Variants in CTNNA2 observed in about 807,000 individuals in gnomAD.
CTNNA2 encodes catenin alpha 2, also known as catenin alpha-2.
In CTNNA2, 42 loss-of-function variants were observed where a neutral mutation model predicts 101.0. The ratio of observed to expected loss-of-function variants is 0.42; its 90% CI spans 0.32 to 0.54. The LOEUF is 0.54. Ranked by LOEUF, CTNNA2 falls within the 20% of genes least tolerant of loss-of-function variation. CTNNA2 has a pLI of 0.14. For synonymous variants in CTNNA2, 450 were observed against 456.4 expected (o/e 0.99, Z 0.18); for missense variants, 871 against 1,223.1 (o/e 0.71, Z 4.29).
In CTNNA2 at chr2:80,545,010, A is replaced by C; in HGVS notation, c.1319A>C (p.Asn440Thr). ...GCCAATTTGGCCTGTTCCATCTCCA[A>C]CAATGAAGAAGGGGTGAAATTAGTT... Reference protein sequence around the residue: ...EVANLACSISNNEEGVKLVRM... With the variant: ...EVANLACSISTNEEGVKLVRM... The change falls in exon 10 of 19, where the codon AAC (asparagine) becomes ACC (threonine). Residue 440 changes from asparagine (N) to threonine (T), a missense_variant. By Grantham distance (65) the Asn-to-Thr change is moderately conservative (BLOSUM62 0). Transcript: ENST00000402739. 1 of 1,614,004 alleles carries C rather than the reference A, an allele frequency of 6.2e-7. No individual in the cohort carries two copies. Among genetic ancestry groups the C allele is most frequent in the Non-Finnish European group, 8.5e-7 (1 of 1,179,950 alleles).
chr2:79,532,142 T>G (rs1023664081), intron 1 of CTNNA2, among the ~76,000 whole-genome samples: 4 of 152,184 alleles, frequency 2.6e-5, no homozygotes, highest in Non-Finnish European at 4.4e-5. Flanking sequence ...GATGCTGAAC[T>G]GACCAATTTC....
At chr2:79,618,722 C>T (rs1458548758) in intron 1 of CTNNA2, among the ~76,000 whole-genome samples, 3 of 152,188 alleles carry the variant, frequency 2.0e-5, no homozygotes, top group Admixed American at 6.5e-5. Context: ...TCTATATTCA[C>T]TTCGTAATTC....
At chr2:80,122,407 T>C (rs1238779919) in intron 7 of CTNNA2, among the ~76,000 whole-genome samples, 1 of 151,698 alleles carries the variant, frequency 6.6e-6, no homozygotes, top group African/African-American at 2.4e-5. Context: ...TCTCTTTCTC[T>C]CTTTGCCCAA....
chr2:80,428,673 C>T (rs1422125583), intron 9 of CTNNA2, among the ~76,000 whole-genome samples: 1 of 152,132 alleles, frequency 6.6e-6, no homozygotes, highest in African/African-American at 2.4e-5. Flanking sequence ...CACAAATGTC[C>T]TGGGTTTAAA....
intron 7 of CTNNA2, among the ~76,000 whole-genome samples, chr2:80,300,006 T>A (rs1039161805): frequency 3.9e-5 from 6 of 152,148 alleles, no homozygotes; most frequent in Admixed American, 3.9e-4. Context: ...AGGAGGTCGC[T>A]TTAGTAGGGT....
intron 7 of CTNNA2, among the ~76,000 whole-genome samples, chr2:79,931,623 G>A (rs1687447412): frequency 1.3e-5 from 2 of 152,064 alleles, no homozygotes; most frequent in Admixed American, 1.3e-4. Flanking sequence ...CTCAACAATG[G>A]CACAGAATTT....
At chr2:80,002,355 C>T (rs1278769729) in intron 7 of CTNNA2, among the ~76,000 whole-genome samples, 1 of 152,136 alleles carries the variant, frequency 6.6e-6, no homozygotes, top group Non-Finnish European at 1.5e-5. Flanking sequence ...AAAGCCATGT[C>T]CTCAGGCAAG....
At chr2:80,125,574 C>A (rs1357983382) in intron 7 of CTNNA2, among the ~76,000 whole-genome samples, 1 of 152,188 alleles carries the variant, frequency 6.6e-6, no homozygotes, top group East Asian at 1.9e-4. Flanking sequence ...GTGCATAGAG[C>A]AGATGTCACT....
chr2:80,066,773 G>T (rs540306460), intron 7 of CTNNA2, among the ~76,000 whole-genome samples: 17 of 152,290 alleles, frequency 1.1e-4, no homozygotes, highest in African/African-American at 4.1e-4. Flanking sequence ...ATGTTGAAAA[G>T]ATATATGCAC....
intron 3 of CTNNA2, among the ~76,000 whole-genome samples, chr2:79,815,134 C>T (rs138288040): frequency 5.1e-4 from 78 of 152,006 alleles, no homozygotes; most frequent in African/African-American, 1.8e-3. Flanking sequence ...TTTATTCTTA[C>T]TGAGTTGTTT....
In CTNNA2 at chr2:80,619,215, G is replaced by A; in HGVS notation, c.2561G>A (p.Ser854Asn). Residue 854 changes from serine (S) to asparagine (N), a missense_variant, in exon 18 of 19, where the codon AGT (serine) becomes AAT (asparagine). Transcript: ENST00000402739. ...GGAGCTCCGATCGGGAGTGGAAGCA[G>A]TGATTCCTCCATGGTGAGTAAATTG... ...AEGAPIGSGS[S>N]DSSMLDSATS... The A allele has an allele frequency of 1.3e-6, 2 of 1,575,616 alleles. No homozygotes were observed. Among genetic ancestry groups the A allele is most frequent in the South Asian group, 2.4e-5 (2 of 84,636 alleles).
intron 4 of CTNNA2, among the ~76,000 whole-genome samples, chr2:79,470,087 ATTGTCC>A (rs1300220093): frequency 6.6e-6 from 1 of 152,236 alleles, no homozygotes; most frequent in African/African-American, 2.4e-5. Context: ...AGGAAGTCAA[ATTGTCC>A]CTGTTTGCAG....
chr2:80,045,169 C>A (rs1264570075), intron 7 of CTNNA2, among the ~76,000 whole-genome samples: 1 of 152,126 alleles, frequency 6.6e-6, no homozygotes, highest in Non-Finnish European at 1.5e-5. Context: ...CCTTTTATGA[C>A]CTAGCCTTGG....
chr2:79,764,437 C>A (rs1437499555), intron 3 of CTNNA2, among the ~76,000 whole-genome samples: 1 of 152,078 alleles, frequency 6.6e-6, no homozygotes, highest in African/African-American at 2.4e-5. Flanking sequence ...GAAAGAATTA[C>A]AACATGTGCA....
chr2:79,473,158 T>C (rs1671017319), intron 4 of CTNNA2, among the ~76,000 whole-genome samples: 1 of 152,308 alleles, frequency 6.6e-6, no homozygotes, highest in African/African-American at 2.4e-5. Context: ...CTTTTCTTCC[T>C]GAGTCCTCAC....
chr2:80,097,948 C>T (rs554934360), intron 7 of CTNNA2, among the ~76,000 whole-genome samples: 12 of 152,154 alleles, frequency 7.9e-5, no homozygotes, highest in African/African-American at 2.4e-4. Flanking sequence ...GCCATTGGTT[C>T]GAACTTCCTC....
At chr2:79,398,217 C>A (rs1247631378) in intron 4 of CTNNA2, among the ~76,000 whole-genome samples, 1 of 152,066 alleles carries the variant, frequency 6.6e-6, no homozygotes, top group Non-Finnish European at 1.5e-5. Flanking sequence ...AGGCCTGTAA[C>A]TAAAAACTAG....
intron 1 of CTNNA2, among the ~76,000 whole-genome samples, chr2:79,639,360 A>T (rs933461636): frequency 1.3e-5 from 2 of 152,218 alleles, no homozygotes; most frequent in Non-Finnish European, 2.9e-5. Context: ...ATGGATGGAT[A>T]ACTGAATGAA....
At chr2:79,457,028 C>T (rs567767640) in intron 4 of CTNNA2, among the ~76,000 whole-genome samples, 29 of 151,998 alleles carry the variant, frequency 1.9e-4, no homozygotes, top group African/African-American at 7.0e-4. Flanking sequence ...GGTCAAACCC[C>T]GTCACTACTA....
Sources: allele counts gnomAD v4.1 joint callset (sites outside exome capture counted in the v4.1 genomes callset), GRCh38; gene constraint gnomAD v4.1.1; transcripts MANE v1.5; gene names NCBI Gene and HGNC (gene_info 2026-07-23, HGNC 2026-07-21).